Variants in EGFR observed in about 807,000 individuals in gnomAD.
EGFR encodes the protein epidermal growth factor receptor, also known as avian erythroblastic leukemia viral (v-erb-b) oncogene homolog.
EGFR carries 58 observed loss-of-function variants against 143.0 expected under a neutral mutation model. That is an observed-to-expected ratio of 0.41 (90% CI 0.33 to 0.50). The LOEUF (loss-of-function observed/expected upper bound fraction) is 0.50. Among genes scored for constraint, EGFR ranks in the 20% least tolerant of loss-of-function variants. The probability of loss-of-function intolerance (pLI) is 0.39; values close to 1 mark genes in which losing one functional copy is unlikely to be tolerated. For synonymous variants in EGFR, 613 were observed against 594.4 expected (o/e 1.03, Z -0.45); for missense variants, 1,307 against 1,579.0 (o/e 0.83, Z 2.92).
At position 55,116,677 on chromosome 7, in the gene EGFR, C is replaced by T. The variant is rs889344402; in HGVS notation, c.89-25609C>T. The stretch of plus-strand genomic sequence containing the variant: ...AAGCACCCCGTGCTGCCTCCTGGGA[C>T]AGGGCTACCACCATCCTAAGGCCAG... On this transcript the variant is annotated intron_variant, in intron 1 of 27. Transcript: ENST00000275493. Among the ~76,000 whole-genome samples the T allele has an allele frequency of 2.0e-5, 3 of 152,198 alleles. No individual in the cohort carries two copies. The South Asian group carries it at 6.2e-4, about 32-fold the overall frequency.
At chr7:55,143,769 A>T (rs1794605097) in intron 3 of EGFR, among the ~76,000 whole-genome samples, 1 of 152,166 alleles carries the variant, frequency 6.6e-6, no homozygotes, top group South Asian at 2.1e-4. Context: ...AGTAAAAGAG[A>T]GTATGACCAA....
chr7:55,173,239 A>T lies in EGFR; in HGVS notation c.2061+115A>T, dbSNP rs1786440321. 3.5e-6 allele frequency: 5 copies of T among 1,438,432 alleles called. No homozygotes were observed. The Admixed American group carries it at 9.9e-5, about 28-fold the overall frequency. 89.1% of individuals were successfully genotyped at this position (1,438,432 alleles called of 1,614,324 possible). A position where few individuals can be genotyped will look rare whatever the true frequency, so the allele number is the denominator to read the frequency against. ...ATGTTAGATACATAATTGTATTATG[A>T]TGCAGAAAGAATCTCTGAATGTGCA... On this transcript the variant is annotated intron_variant, in intron 17 of 27. Transcript: ENST00000275493.
At chr7:55,146,829 G>GT in intron 4 of EGFR, 89 bp downstream of exon 4, 3 of 1,565,788 alleles carry the variant, frequency 1.9e-6, no homozygotes, top group Non-Finnish European at 2.6e-6. Context: ...GCCATGTTTA[G>GT]TAAGTCACAT....
At chr7:55,077,371 G>T (rs1231138078) in intron 1 of EGFR, among the ~76,000 whole-genome samples, 1 of 152,120 alleles carries the variant, frequency 6.6e-6, no homozygotes, top group Non-Finnish European at 1.5e-5. Context: ...TTCCTGTGTG[G>T]CTAAAATAGT....
chr7:55,026,539 A>G (rs966193178), intron 1 of EGFR, among the ~76,000 whole-genome samples: 3 of 152,172 alleles, frequency 2.0e-5, no homozygotes, highest in Non-Finnish European at 4.4e-5. Context: ...CACAAATAAC[A>G]TCTCCAACCG....
intron 1 of EGFR, among the ~76,000 whole-genome samples, chr7:55,073,224 T>C (rs1380818913): frequency 6.6e-6 from 1 of 152,254 alleles, no homozygotes; most frequent in Admixed American, 6.5e-5. Context: ...CAGTTGGATA[T>C]TGCAGACAGC....
chr7:55,047,270 G>A (rs1038234403), intron 1 of EGFR, among the ~76,000 whole-genome samples: 1 of 152,184 alleles, frequency 6.6e-6, no homozygotes, highest in African/African-American at 2.4e-5. Context: ...AGCCCTGGGG[G>A]TATCACCCAG....
chr7:55,125,552 G>A (rs1252837041), intron 1 of EGFR, among the ~76,000 whole-genome samples: 1 of 152,196 alleles, frequency 6.6e-6, no homozygotes, highest in Admixed American at 6.5e-5. Flanking sequence ...CTTTGCAAGG[G>A]CTCTGCCCTA....
chr7:55,188,290 T>C (rs1025615055), intron 20 of EGFR, among the ~76,000 whole-genome samples: 2 of 151,826 alleles, frequency 1.3e-5, no homozygotes, highest in Non-Finnish European at 2.9e-5. Flanking sequence ...ACAATCCAGT[T>C]CCCGCCTCTC....
At chr7:55,072,945 T>A (rs755713046) in intron 1 of EGFR, among the ~76,000 whole-genome samples, 2 of 152,222 alleles carry the variant, frequency 1.3e-5, no homozygotes, top group African/African-American at 4.8e-5. Context: ...AATTTCCTTA[T>A]AATCAGGATG....
chr7:55,131,153 C>T (rs1269240318), intron 1 of EGFR, among the ~76,000 whole-genome samples: 3 of 152,072 alleles, frequency 2.0e-5, no homozygotes, highest in African/African-American at 7.2e-5. Context: ...AAGATGTTGC[C>T]TTCATAGGGG....
intron 1 of EGFR, among the ~76,000 whole-genome samples, chr7:55,135,273 C>T (rs1271721757): frequency 6.6e-6 from 1 of 151,670 alleles, no homozygotes; most frequent in Non-Finnish European, 1.5e-5. Context: ...TTCAAGTCTT[C>T]TGCTTGTTAA....
intron 1 of EGFR, among the ~76,000 whole-genome samples, chr7:55,046,196 C>T (rs1788167662): frequency 6.6e-6 from 1 of 152,164 alleles, no homozygotes; most frequent in African/African-American, 2.4e-5. Context: ...CTTTTAGAAC[C>T]TTAAAGTATT....
At chr7:55,051,577 G>A (rs1430976991) in intron 1 of EGFR, among the ~76,000 whole-genome samples, 1 of 152,122 alleles carries the variant, frequency 6.6e-6, no homozygotes, top group Non-Finnish European at 1.5e-5. Flanking sequence ...TCAGAACCAC[G>A]AGCCAGACAA....
chr7:55,058,441 A>C (rs1399235166), intron 1 of EGFR, among the ~76,000 whole-genome samples: 1 of 152,210 alleles, frequency 6.6e-6, no homozygotes, highest in Admixed American at 6.5e-5. Flanking sequence ...ACAATAGCAA[A>C]GACGTGGAAT....
intron 1 of EGFR, among the ~76,000 whole-genome samples, chr7:55,029,112 T>C (rs1387180992): frequency 6.6e-6 from 1 of 152,018 alleles, no homozygotes; most frequent in Non-Finnish European, 1.5e-5. Flanking sequence ...TGAGCTGAGA[T>C]CACACCACTA....
Position 55,146,622 on chromosome 7 carries a change from C to G in EGFR, c.441C>G (p.Ala147=), listed in dbSNP as rs138946543. 1.9e-5 allele frequency: 30 copies of G among 1,613,916 alleles called. No homozygotes were observed. In the African/African-American group the frequency reaches 3.7e-4, roughly 20 times the overall value. Residue 147 remains alanine (A), a synonymous_variant, in exon 4 of 28, where the codon GCC becomes GCG. Transcript: ENST00000275493. ...MRNLQEILHG[A]VRFSNNPALC... The stretch of plus-strand genomic sequence containing the variant: ...CTCCCGCAGAAATCCTGCATGGCGC[C>G]GTGCGGTTCAGCAACAACCCTGCCC...
In EGFR at chr7:55,146,523, A is replaced by G. The variant is rs1794768671; in HGVS notation, c.425-83A>G. ...CACCATGGCATCTCTTTAGCAGAAC[A>G]TAAATGCGAAGAGCACATGCATCCT... On this transcript the variant is annotated intron_variant, in intron 3 of 27. Coordinates refer to ENST00000275493, the MANE Select transcript of EGFR (RefSeq NM_005228.5). 5.6e-6 allele frequency: 9 copies of G among 1,599,370 alleles called. No homozygotes were observed. In the Admixed American group the frequency reaches 1.0e-4, roughly 18 times the overall value.
At chr7:55,108,634 G>A (rs1219125429) in intron 1 of EGFR, among the ~76,000 whole-genome samples, 1 of 152,206 alleles carries the variant, frequency 6.6e-6, no homozygotes, top group African/African-American at 2.4e-5. Flanking sequence ...GTCATGACAG[G>A]AGAGATGGGG....
Sources: allele counts gnomAD v4.1 joint callset (sites outside exome capture counted in the v4.1 genomes callset), GRCh38; gene constraint gnomAD v4.1.1; transcripts MANE v1.5; gene names NCBI Gene and HGNC (gene_info 2026-07-23, HGNC 2026-07-21).